The following DARS1 variants were observed in gnomAD, a reference collection of about 807,000 sequenced individuals.
The protein encoded by DARS1 is aspartyl-tRNA synthetase 1, also known as aspartate--tRNA ligase, cytoplasmic.
In DARS1, 51 loss-of-function variants were observed where a neutral mutation model predicts 68.8. That is an observed-to-expected ratio of 0.74 (90% CI 0.59 to 0.94). The LOEUF (loss-of-function observed/expected upper bound fraction) is 0.94, where lower values mean the gene tolerates loss of function less well. Ranked by LOEUF, DARS1 falls within the 40% of genes least tolerant of loss-of-function variation. The pLI is 0.00. For synonymous variants in DARS1, 203 were observed against 190.4 expected (o/e 1.07, Z -0.55); for missense variants, 607 against 597.3 (o/e 1.02, Z -0.17).
At chr2:135,954,888 C>T (rs1377834153) in intron 4 of DARS1, among the ~76,000 whole-genome samples, 1 of 151,970 alleles carries the variant, frequency 6.6e-6, no homozygotes, top group African/African-American at 2.4e-5. Flanking sequence ...AACCTTTACA[C>T]TAATAGTGTT....
chr2:135,954,275 C>T (rs887165002), intron 4 of DARS1, among the ~76,000 whole-genome samples: 5 of 140,382 alleles, frequency 3.6e-5, no homozygotes, highest in Non-Finnish European at 6.1e-5. Context: ...TAATATTTCA[C>T]ATCTCGATTT....
At chr2:135,916,832 G>A (rs566072333) in intron 10 of DARS1, among the ~76,000 whole-genome samples, 6 of 152,212 alleles carry the variant, frequency 3.9e-5, no homozygotes, top group Non-Finnish European at 5.9e-5. Context: ...ATATATAGAA[G>A]GTACAGGACA....
intron 15 of DARS1, among the ~76,000 whole-genome samples, chr2:135,910,283 C>A (rs1201202100): frequency 6.6e-6 from 1 of 152,134 alleles, no homozygotes; most frequent in East Asian, 1.9e-4. Flanking sequence ...ACATTCCCAT[C>A]AACTATTTAC....
chr2:135,956,178 A>G (rs1270750087), intron 4 of DARS1, among the ~76,000 whole-genome samples: 1 of 152,244 alleles, frequency 6.6e-6, no homozygotes, highest in Non-Finnish European at 1.5e-5. Context: ...AAAACCAGAG[A>G]TGGACAATAC....
chr2:135,917,073 A>T (rs1681020847), intron 10 of DARS1, among the ~76,000 whole-genome samples: 1 of 152,092 alleles, frequency 6.6e-6, no homozygotes, highest in Admixed American at 6.6e-5. Context: ...AGGCAGGAGA[A>T]TTGTTTGGGC....
intron 3 of DARS1, among the ~76,000 whole-genome samples, chr2:135,975,796 A>G (rs943653127): frequency 1.3e-5 from 2 of 151,204 alleles, no homozygotes; most frequent in African/African-American, 4.9e-5. Flanking sequence ...TAGAAATACA[A>G]AAATTAGCTG....
At chr2:135,918,075 A>G (rs962280388) in intron 10 of DARS1, among the ~76,000 whole-genome samples, 1 of 151,964 alleles carries the variant, frequency 6.6e-6, no homozygotes, top group Admixed American at 6.6e-5. Flanking sequence ...GTGTGCCACC[A>G]TGCCTGGCTA....
intron 7 of DARS1, among the ~76,000 whole-genome samples, chr2:135,928,177 A>C (rs1416909277): frequency 6.6e-6 from 1 of 152,228 alleles, no homozygotes; most frequent in African/African-American, 2.4e-5. Context: ...TATTTAAGTT[A>C]TCATCTTAGT....
rs1681381586 is a variant in DARS1 at position 135,932,851 on chromosome 2, A to G, written c.505-9T>C. The G allele has an allele frequency of 1.7e-6, 2 of 1,188,818 alleles. No homozygotes were observed. The highest frequency in any genetic ancestry group is 2.4e-6 in the Non-Finnish European group (2 of 821,140). 73.6% of individuals were successfully genotyped at this position (1,188,818 alleles called of 1,614,324 possible). ...ACAGTAGCTCTTCCTTCCTAAAAAA[A>G]AAAAAAAAGAAAAGAAAAAAATAAA... On this transcript the variant is annotated splice_polypyrimidine_tract_variant and intron_variant, in intron 6 of 15. Transcript: ENST00000264161.
At chr2:135,961,639 T>G (rs1682104392) in intron 3 of DARS1, 141 bp from the exon 4 acceptor site, 2 of 537,382 alleles carry the variant, frequency 3.7e-6, no homozygotes, top group South Asian at 2.8e-5. Context: ...TACTATCCAT[T>G]TGGCTTCCAC....
At chr2:135,916,397 T>A (rs752669894) in intron 10 of DARS1, 25 bp from the exon 11 acceptor site, 1 of 1,382,736 alleles carries the variant, frequency 7.2e-7, no homozygotes, top group African/African-American at 1.4e-5. Flanking sequence ...ATTTAGTTAA[T>A]AAAATGTATG....
At chr2:135,910,560 T>C (rs1317124629) in intron 15 of DARS1, among the ~76,000 whole-genome samples, 1 of 152,170 alleles carries the variant, frequency 6.6e-6, no homozygotes, top group Non-Finnish European at 1.5e-5. Context: ...CATTAGTTTT[T>C]TCTGTACCAT....
At chr2:135,922,028 G>A (rs1454663523) in intron 9 of DARS1, among the ~76,000 whole-genome samples, 2 of 152,068 alleles carry the variant, frequency 1.3e-5, no homozygotes, top group Non-Finnish European at 2.9e-5. Context: ...ATAAAGTAAC[G>A]CTGGCTTTTC....
In DARS1 at chr2:135,948,060, T is replaced by G. The variant is rs116373537; in HGVS notation, c.321-4580A>C. Among the ~76,000 whole-genome samples the G allele has an allele frequency of 8.6e-3, 1,312 of 152,320 alleles. 16 individuals are homozygous for G. Among genetic ancestry groups the G allele is most frequent in the African/African-American group, 0.028 (1,159 of 41,566 alleles). ...ATTAATCCCACAAACGATCTGAAAA[T>G]TTCTGACAGCAGATTTTAGACCCGT... On this transcript the variant is annotated intron_variant, in intron 4 of 15. Coordinates refer to ENST00000264161, the MANE Select transcript of DARS1 (RefSeq NM_001349.4).
intron 5 of DARS1, 157 bp downstream of exon 5, chr2:135,943,221 G>A: frequency 9.6e-7 from 1 of 1,040,964 alleles, no homozygotes; most frequent in Non-Finnish European, 1.3e-6. Context: ...CTAAGTACTG[G>A]GGTGATTTGT....
intron 2 of DARS1, among the ~76,000 whole-genome samples, chr2:135,979,966 T>C (rs1345768433): frequency 6.6e-6 from 1 of 152,178 alleles, no homozygotes; most frequent in African/African-American, 2.4e-5. Flanking sequence ...GCTGACATGG[T>C]GCAGGCCCAG....
intron 9 of DARS1, among the ~76,000 whole-genome samples, chr2:135,921,155 T>C (rs767171731): frequency 8.7e-5 from 13 of 149,630 alleles, no homozygotes; most frequent in Non-Finnish European, 1.6e-4. Context: ...TGCCTTTTCC[T>C]CCTGTCCAGT....
chr2:135,916,229 A>T lies in DARS1; in HGVS notation c.1103T>A (p.Leu368Gln). ...AAAAAAAGCCACAAAGACAAACCTC[A>T]GATCGTCTTCATCTCCCATTTCGAC... is the stretch of plus-strand genomic sequence containing the variant. ...AGVEMGDEDD[L>Q]STPNEKLLGH... The change falls in exon 11 of 16, where the codon CTG (leucine) becomes CAG (glutamine). Residue 368 changes from leucine to glutamine, a missense_variant. By Grantham distance (113) the Leu-to-Gln change is moderately radical. Transcript: ENST00000264161. 1 of 1,577,474 alleles carries T rather than the reference A, an allele frequency of 6.3e-7. No homozygotes were observed. The highest frequency in any genetic ancestry group is 1.3e-5 in the African/African-American group (1 of 74,254).
Position 135,906,057 on chromosome 2 carries a change from T to G in DARS1, c.*1259A>C, listed in dbSNP as rs1277260185. Among the ~76,000 whole-genome samples the G allele has an allele frequency of 1.3e-5, 2 of 152,198 alleles. No homozygotes were observed. The highest frequency in any genetic ancestry group is 2.9e-5 in the Non-Finnish European group (2 of 68,030). On this transcript the variant is annotated 3_prime_UTR_variant, in exon 16 of 16. Transcript: ENST00000264161. ...ATACTTTTGGGGTGCCTTCTATATT[T>G]AAGGTATTCTGGTAGGATATGAAAG...
Sources: gnomAD v4.1 joint callset for allele counts (sites outside exome capture counted in the v4.1 genomes callset) on GRCh38, gnomAD v4.1.1 for gene constraint, MANE v1.5 for transcripts, NCBI Gene and HGNC (gene_info 2026-07-23, HGNC 2026-07-21) for gene names.